The following LINGO2 variants were observed in gnomAD, a reference collection of about 807,000 sequenced individuals.
LINGO2 encodes the protein leucine-rich repeat and immunoglobulin-like domain-containing nogo receptor-interacting protein 2.
LINGO2 carries 14 observed loss-of-function variants against 30.6 expected under a neutral mutation model. The observed-to-expected ratio is 0.46, with a 90% CI of 0.30 to 0.72. The LOEUF is 0.72. Among genes scored for constraint, LINGO2 ranks in the 30% least tolerant of loss-of-function variants. LINGO2 has a pLI of 0.07. For missense variants in LINGO2, 729 were observed against 751.7 expected, an observed-to-expected ratio of 0.97 and a Z score of 0.35; for synonymous variants, 317 against 288.5, an observed-to-expected ratio of 1.10 and a Z score of -1.00.
At chr9:29,204,233 T>C in the LINGO2 span, among the ~76,000 whole-genome samples, 5 of 152,316 alleles carry the variant, frequency 3.3e-5, no homozygotes, top group Middle Eastern at 6.8e-3. Context: ...TAATCTATTA[T>C]AAAAATAGTT....
At chr9:28,835,626 GA>G in the LINGO2 span, among the ~76,000 whole-genome samples, 2 of 152,262 alleles carry the variant, frequency 1.3e-5, no homozygotes, top group Admixed American at 1.3e-4. Context: ...AATTTCTATG[GA>G]AATGGGGTTG....
chr9:28,748,191 CAA>C, the LINGO2 span, among the ~76,000 whole-genome samples: 2 of 151,862 alleles, frequency 1.3e-5, no homozygotes. Context: ...TCAACAACAA[CAA>C]AAAAGAAGTG....
the LINGO2 span, among the ~76,000 whole-genome samples, chr9:28,928,278 T>C: frequency 2.0e-5 from 3 of 152,232 alleles, no homozygotes; most frequent in Non-Finnish European, 2.9e-5. Context: ...GAGACTTTTA[T>C]ATACACATGC....
At chr9:28,409,620 G>GGT (rs150611305) in intron 2 of LINGO2, among the ~76,000 whole-genome samples, 4,460 of 146,264 alleles carry the variant, frequency 0.03, 74 homozygotes, top group African/African-American at 0.053. Flanking sequence ...GATGTGCAGG[G>GGT]GTGTGTGTGT....
chr9:28,172,016 C>CAAA (rs1197927884), intron 4 of LINGO2, among the ~76,000 whole-genome samples: 5,194 of 43,668 alleles, frequency 0.12, 796 homozygotes, highest in Non-Finnish European at 0.14. Context: ...GACTCCGTCT[C>CAAA]AAAAAAAAAA....
At chr9:28,098,574 T>G (rs1317883285) in intron 4 of LINGO2, among the ~76,000 whole-genome samples, 1 of 152,152 alleles carries the variant, frequency 6.6e-6, no homozygotes, top group Non-Finnish European at 1.5e-5. Flanking sequence ...GGATCTTTCT[T>G]TTTTCGTCTA....
At chr9:29,056,869 G>C in the LINGO2 span, among the ~76,000 whole-genome samples, 1 of 151,986 alleles carries the variant, frequency 6.6e-6, no homozygotes, top group Non-Finnish European at 1.5e-5. Flanking sequence ...TTACATCTTT[G>C]TTTGCTTTGT....
chr9:28,699,364 T>C, the LINGO2 span, among the ~76,000 whole-genome samples: 1 of 152,030 alleles, frequency 6.6e-6, no homozygotes, highest in Non-Finnish European at 1.5e-5. Context: ...TTCATGGACA[T>C]TTATCACTTC....
At chr9:27,980,770 C>T (rs1363292585) in intron 5 of LINGO2, among the ~76,000 whole-genome samples, 2 of 151,792 alleles carry the variant, frequency 1.3e-5, no homozygotes, top group Non-Finnish European at 2.9e-5. Context: ...TTCCCTTAGC[C>T]CTTGCACAGG....
chr9:28,728,635 C>T, the LINGO2 span, among the ~76,000 whole-genome samples: 1 of 151,890 alleles, frequency 6.6e-6, no homozygotes, highest in Non-Finnish European at 1.5e-5. Flanking sequence ...AAACATACTG[C>T]TAATATCGCT....
the LINGO2 span, among the ~76,000 whole-genome samples, chr9:28,961,397 T>G: frequency 4.6e-5 from 7 of 152,190 alleles, no homozygotes; most frequent in Non-Finnish European, 8.8e-5. Context: ...GAATAACTTG[T>G]AACGTAATCC....
chr9:28,582,544 T>A (rs1451375408), intron 1 of LINGO2, among the ~76,000 whole-genome samples: 6 of 152,010 alleles, frequency 3.9e-5, no homozygotes, highest in African/African-American at 1.2e-4. Context: ...TCAGCAAAGG[T>A]CTCACTCCGG....
chr9:29,080,718 G>A, the LINGO2 span, among the ~76,000 whole-genome samples: 219 of 152,172 alleles, frequency 1.4e-3, no homozygotes, highest in Non-Finnish European at 2.4e-3. Context: ...AGTCATTCAG[G>A]AGCAGGTTGT....
the LINGO2 span, among the ~76,000 whole-genome samples, chr9:29,061,378 C>G: frequency 1.3e-5 from 2 of 151,648 alleles, no homozygotes; most frequent in African/African-American, 2.4e-5. Context: ...CAAAAGTAGC[C>G]AAAACATTTT....
chr9:28,155,886 C>A (rs1227952719), intron 4 of LINGO2, among the ~76,000 whole-genome samples: 1 of 152,076 alleles, frequency 6.6e-6, no homozygotes, highest in Non-Finnish European at 1.5e-5. Context: ...TTCTATGAAC[C>A]AGGAAATGTG....
chr9:29,047,547 T>C, the LINGO2 span, among the ~76,000 whole-genome samples: 1 of 152,076 alleles, frequency 6.6e-6, no homozygotes, highest in Non-Finnish European at 1.5e-5. Flanking sequence ...TGAAAGACTT[T>C]CCTCTAAGAT....
chr9:28,438,003 T>C lies in LINGO2; in HGVS notation c.-279+37937A>G, dbSNP rs1009030476. ...TTATCAAACAAGTGACTTAAGAATATGGGGGAAGTTGTAAGTTTGAAACAT... is the reference window on the plus strand; with the variant it reads ...TTATCAAACAAGTGACTTAAGAATACGGGGGAAGTTGTAAGTTTGAAACAT... On this transcript the variant is annotated intron_variant, in intron 2 of 5. Transcript: ENST00000379992. 7.2e-5 allele frequency among the ~76,000 whole-genome samples: 11 copies of C among 152,274 alleles called. No homozygotes were observed. The East Asian group carries it at 2.1e-3, about 29-fold the overall frequency.
At chr9:28,581,228 T>G (rs953791944) in intron 1 of LINGO2, among the ~76,000 whole-genome samples, 3 of 151,840 alleles carry the variant, frequency 2.0e-5, no homozygotes, top group Admixed American at 6.6e-5. Flanking sequence ...AAACATTGTG[T>G]GCATTTGTGT....
chr9:28,064,622 A>T (rs759923680), intron 4 of LINGO2, among the ~76,000 whole-genome samples: 14 of 152,136 alleles, frequency 9.2e-5, no homozygotes, highest in Non-Finnish European at 1.6e-4. Flanking sequence ...CTGGAGAGCT[A>T]ACCAAGGAAC....
Sources: allele counts gnomAD v4.1 joint callset (sites outside exome capture counted in the v4.1 genomes callset), GRCh38; gene constraint gnomAD v4.1.1; transcripts MANE v1.5; gene names NCBI Gene and HGNC (gene_info 2026-07-23, HGNC 2026-07-21).